Variants in ARFGEF2 observed in about 807,000 individuals in gnomAD.
ARFGEF2 encodes the protein brefeldin A-inhibited guanine nucleotide-exchange protein 2.
Under a neutral mutation model 219.9 loss-of-function variants are expected in ARFGEF2, and 74 were observed. The ratio of observed to expected loss-of-function variants is 0.34; its 90% CI spans 0.28 to 0.41. The LOEUF (loss-of-function observed/expected upper bound fraction) is 0.41. ARFGEF2 is among the 10% of genes least tolerant of loss of function. The probability of loss-of-function intolerance (pLI) is 1.00; values close to 1 mark genes in which losing one functional copy is unlikely to be tolerated. For synonymous variants in ARFGEF2, 733 were observed against 799.2 expected (o/e 0.92, Z 1.40); for missense variants, 1,743 against 2,218.3 (o/e 0.79, Z 4.30).
At chr20:48,951,552 T>C in intron 4 of ARFGEF2, 83 bp downstream of exon 4, 1 of 1,580,956 alleles carries the variant, frequency 6.3e-7, no homozygotes, top group South Asian at 1.1e-5. Flanking sequence ...TTACTATGTG[T>C]TAGTTGTCTC....
chr20:48,953,456 GT>G, intron 5 of ARFGEF2, 99 bp from the exon 6 acceptor site: 1 of 1,129,068 alleles, frequency 8.9e-7, no homozygotes, highest in Non-Finnish European at 1.4e-6. Flanking sequence ...AATTATAGGC[GT>G]TAACCACCGC....
chr20:48,998,631 C>A, intron 25 of ARFGEF2, 126 bp downstream of exon 25: 1 of 894,460 alleles, frequency 1.1e-6, no homozygotes. Context: ...TTTCCCTGTG[C>A]AGTCAAGGAC....
In ARFGEF2 at chr20:49,022,491, A is replaced by G. The variant is rs186221111; in HGVS notation, c.4625-560A>G. On this transcript the variant is annotated intron_variant, in intron 34 of 38. Transcript: ENST00000371917. ...AGGGGCTGGCTACTGCAGGAACCTG[A>G]AACGTCCTCTGGTTAGGGCACAGTC... Among the ~76,000 whole-genome samples, 186 of 152,212 alleles carry G rather than the reference A, an allele frequency of 1.2e-3. 1 individual carries two copies. The highest frequency in any genetic ancestry group is 2.0e-3 in the Non-Finnish European group (138 of 68,022).
chr20:49,001,054 CTTTTTTTTTTT>C (rs66754799), intron 25 of ARFGEF2, among the ~76,000 whole-genome samples: 3 of 60,562 alleles, frequency 5.0e-5, no homozygotes, highest in African/African-American at 1.1e-4. Flanking sequence ...CTCAGGAACT[CTTTTTTTTTTT>C]TTTTTTTTTT....
chr20:48,930,465 G>A (rs538112958), intron 1 of ARFGEF2, among the ~76,000 whole-genome samples: 1 of 152,298 alleles, frequency 6.6e-6, no homozygotes, highest in African/African-American at 2.4e-5. Flanking sequence ...TTCCAACCTG[G>A]TTAGAAGATG....
chr20:48,942,633 C>T (rs183601068), intron 3 of ARFGEF2, among the ~76,000 whole-genome samples: 51 of 151,868 alleles, frequency 3.4e-4, no homozygotes, highest in African/African-American at 1.1e-3. Flanking sequence ...TACATGCACC[C>T]GCCACCAAGC....
At chr20:48,996,876 T>G (rs1600642952) in intron 23 of ARFGEF2, among the ~76,000 whole-genome samples, 1 of 151,720 alleles carries the variant, frequency 6.6e-6, no homozygotes, top group East Asian at 1.9e-4. Flanking sequence ...CCAGGAGAGA[T>G]ATTTCCCATA....
rs113866140 is a variant in ARFGEF2 at position 48,968,289 on chromosome 20, G to A, written c.1060-858G>A. Among the ~76,000 whole-genome samples the A allele has an allele frequency of 2.8e-3, 426 of 151,464 alleles. 4 individuals carry two copies. The highest frequency in any genetic ancestry group is 2.2e-3 in the Non-Finnish European group (150 of 67,846). ...ATTACAGGCGTGAGCCACCGTGCCT[G>A]GCCAAAAAATTTTATTTTTATGTTT... On this transcript the variant is annotated intron_variant, in intron 8 of 38. Transcript: ENST00000371917.
chr20:48,995,522 A>G (rs959949051), intron 22 of ARFGEF2, among the ~76,000 whole-genome samples: 4 of 152,246 alleles, frequency 2.6e-5, no homozygotes, highest in Admixed American at 2.6e-4. Flanking sequence ...TAGGCCTTTA[A>G]TACTATAAAA....
At chr20:49,017,177 A>G in intron 31 of ARFGEF2, 72 bp from the exon 32 acceptor site, 1 of 1,493,290 alleles carries the variant, frequency 6.7e-7, no homozygotes, top group Non-Finnish European at 9.2e-7. Context: ...CTCACAATAT[A>G]CAGTATTTGA....
At chr20:48,987,945 G>A (rs1168161586) in intron 16 of ARFGEF2, among the ~76,000 whole-genome samples, 2 of 152,004 alleles carry the variant, frequency 1.3e-5, no homozygotes, top group Non-Finnish European at 2.9e-5. Flanking sequence ...CCGCTGCCAC[G>A]CCCAGCTAAT....
chr20:48,994,249 A>C (rs1479656878), intron 21 of ARFGEF2, among the ~76,000 whole-genome samples: 1 of 152,200 alleles, frequency 6.6e-6, no homozygotes, highest in South Asian at 2.1e-4. Flanking sequence ...TGATGTGCCT[A>C]TTAAGTGACA....
intron 26 of ARFGEF2, among the ~76,000 whole-genome samples, chr20:49,009,986 C>T (rs1461288825): frequency 6.6e-6 from 1 of 152,102 alleles, no homozygotes; most frequent in African/African-American, 2.4e-5. Context: ...TCCTTTTGTT[C>T]TTCCATTCAG....
intron 34 of ARFGEF2, among the ~76,000 whole-genome samples, chr20:49,022,262 C>T (rs1477910335): frequency 6.7e-6 from 1 of 150,116 alleles, no homozygotes; most frequent in African/African-American, 2.5e-5. Context: ...CAGAAAGCAA[C>T]AAAACTGAGC....
intron 22 of ARFGEF2, among the ~76,000 whole-genome samples, chr20:48,994,854 A>C (rs2091377321): frequency 6.6e-6 from 1 of 152,164 alleles, no homozygotes; most frequent in Non-Finnish European, 1.5e-5. Flanking sequence ...GGGGAGAAAA[A>C]CCATTTGCTT....
intron 1 of ARFGEF2, among the ~76,000 whole-genome samples, chr20:48,923,352 T>C (rs934904053): frequency 2.0e-5 from 3 of 152,228 alleles, no homozygotes; most frequent in African/African-American, 7.2e-5. Context: ...TAGTGTTCTT[T>C]TGGCATTTAG....
rs2091404192 is a variant in ARFGEF2 at position 48,998,330 on chromosome 20, C to T, written c.3263-6C>T. 1.9e-6 allele frequency: 3 copies of T among 1,614,164 alleles called. No homozygotes were observed. The highest frequency in any genetic ancestry group is 2.5e-6 in the Non-Finnish European group (3 of 1,180,020). On this transcript the variant is annotated splice_region_variant and splice_polypyrimidine_tract_variant and intron_variant, in intron 24 of 38. Transcript: ENST00000371917. ...CTTTGCTTGTGTTGTTGGGTCTGGCCTGTAGTTGACTTTGTCCGCTGGCTG... is the reference window on the plus strand; with the variant it reads ...CTTTGCTTGTGTTGTTGGGTCTGGCTTGTAGTTGACTTTGTCCGCTGGCTG...
At chr20:49,017,470 T>A (rs545349750) in intron 32 of ARFGEF2, 26 bp from the exon 33 acceptor site, 214 of 1,548,650 alleles carry the variant, frequency 1.4e-4, no homozygotes, top group Non-Finnish European at 1.8e-4. Flanking sequence ...ACATTGATTA[T>A]TTTTTTTCTC....
chr20:48,973,542 A>G (rs1210954898), intron 12 of ARFGEF2, among the ~76,000 whole-genome samples: 1 of 152,206 alleles, frequency 6.6e-6, no homozygotes, highest in Non-Finnish European at 1.5e-5. Context: ...TAATGGGGCC[A>G]TTAGGGTAGT....
Sources: allele counts gnomAD v4.1 joint callset (sites outside exome capture counted in the v4.1 genomes callset), GRCh38; gene constraint gnomAD v4.1.1; transcripts MANE v1.5; gene names NCBI Gene and HGNC (gene_info 2026-07-23, HGNC 2026-07-21).